The following C12orf42 variants were observed in gnomAD, a reference collection of about 807,000 sequenced individuals.
The protein encoded by C12orf42 is uncharacterized protein C12orf42.
Under a neutral mutation model 21.6 loss-of-function variants are expected in C12orf42, and 25 were observed. The ratio of observed to expected loss-of-function variants is 1.16; its 90% CI spans 0.84 to 1.62. The LOEUF (loss-of-function observed/expected upper bound fraction) is 1.62, where lower values mean the gene tolerates loss of function less well. Among genes scored for constraint, C12orf42 ranks in the 40% most tolerant of loss-of-function variants. The pLI, the probability that C12orf42 is intolerant of heterozygous loss-of-function variation, is 0.00. For synonymous variants in C12orf42, 174 were observed against 175.0 expected, an observed-to-expected ratio of 0.99 and a Z score of 0.05; for missense variants, 483 against 459.3, an observed-to-expected ratio of 1.05 and a Z score of -0.47.
chr12:103,106,576 G>A, the C12orf42 span, among the ~76,000 whole-genome samples: 2 of 151,734 alleles, frequency 1.3e-5, no homozygotes, highest in African/African-American at 4.8e-5. Context: ...TGGGGATATT[G>A]TTAAACTTTA....
the C12orf42 span, among the ~76,000 whole-genome samples, chr12:103,090,755 T>C: frequency 6.6e-6 from 1 of 152,166 alleles, no homozygotes; most frequent in Non-Finnish European, 1.5e-5. Flanking sequence ...ATTTACAAAT[T>C]CTGCCTTTAA....
At chr12:103,366,747 A>G (rs1375362845) in intron 4 of C12orf42, among the ~76,000 whole-genome samples, 1 of 152,126 alleles carries the variant, frequency 6.6e-6, no homozygotes, top group East Asian at 1.9e-4. Context: ...CCAAATCAAA[A>G]CCACAATGCG....
At chr12:103,139,195 C>A in the C12orf42 span, among the ~76,000 whole-genome samples, 1 of 152,206 alleles carries the variant, frequency 6.6e-6, no homozygotes, top group Non-Finnish European at 1.5e-5. Context: ...GTGTTCACTT[C>A]TCTAGCCCTC....
the C12orf42 span, among the ~76,000 whole-genome samples, chr12:103,218,163 CCAACTACT>C: frequency 6.6e-6 from 1 of 151,732 alleles, no homozygotes; most frequent in Non-Finnish European, 1.5e-5. Flanking sequence ...TCCTGTAATC[CCAACTACT>C]CAAGAGGCTG....
chr12:103,302,460 G>C lies in C12orf42; in HGVS notation c.731C>G (p.Pro244Arg). ...TGCTGGGACTGCCATCCTCTCCTCC[G>C]GCTCGAGCTCTGTGTTACTCGGGCC... ...STGPSNTELE[P>R]EERMAVPAGA... The change falls in exon 6 of 6, where the codon CCG (proline) becomes CGG (arginine). Residue 244 changes from proline to arginine, a missense_variant. Physicochemically the swap from Pro to Arg is moderately radical, Grantham distance 103. Transcript: ENST00000548883. 1 of 1,613,620 alleles carries C rather than the reference G, an allele frequency of 6.2e-7. No homozygotes were observed. Among genetic ancestry groups the C allele is most frequent in the Non-Finnish European group, 8.5e-7 (1 of 1,179,842 alleles).
At chr12:103,428,503 G>C (rs1372327221) in intron 2 of C12orf42, among the ~76,000 whole-genome samples, 3 of 152,152 alleles carry the variant, frequency 2.0e-5, no homozygotes, top group Admixed American at 6.5e-5. Flanking sequence ...GAAAAGTCCA[G>C]GACCAGAAGG....
the C12orf42 span, among the ~76,000 whole-genome samples, chr12:103,118,448 T>C: frequency 6.6e-6 from 1 of 152,154 alleles, no homozygotes; most frequent in Admixed American, 6.5e-5. Flanking sequence ...CCAAGATTCA[T>C]ATGGACCTTT....
At chr12:103,185,785 C>A in the C12orf42 span, among the ~76,000 whole-genome samples, 1 of 152,136 alleles carries the variant, frequency 6.6e-6, no homozygotes, top group South Asian at 2.1e-4. Flanking sequence ...CTCTTGCTGC[C>A]CCCATGTAAG....
chr12:103,344,864 G>C (rs1317991963), intron 4 of C12orf42, among the ~76,000 whole-genome samples: 1 of 152,218 alleles, frequency 6.6e-6, no homozygotes, highest in Non-Finnish European at 1.5e-5. Context: ...CAGTGTATCA[G>C]AAAGGACACT....
At chr12:103,186,435 C>T in the C12orf42 span, among the ~76,000 whole-genome samples, 1 of 152,068 alleles carries the variant, frequency 6.6e-6, no homozygotes, top group African/African-American at 2.4e-5. Flanking sequence ...GCCTTTCATC[C>T]ACGCACTTAA....
chr12:103,236,462 C>T (rs866829769), downstream of C12orf42, among the ~76,000 whole-genome samples: 11 of 152,160 alleles, frequency 7.2e-5, no homozygotes, highest in Admixed American at 3.9e-4. Context: ...CTTCTTTAAT[C>T]ATGGCTGAAA....
At chr12:103,438,903 A>C (rs910286233) in intron 2 of C12orf42, among the ~76,000 whole-genome samples, 31 of 151,900 alleles carry the variant, frequency 2.0e-4, no homozygotes, top group African/African-American at 6.8e-4. Flanking sequence ...ATTGGAAAAA[A>C]CTACTTTAAA....
At chr12:103,526,068 C>T in the C12orf42 span, among the ~76,000 whole-genome samples, 1 of 152,194 alleles carries the variant, frequency 6.6e-6, no homozygotes, top group African/African-American at 2.4e-5. Flanking sequence ...AGAGGCTGCT[C>T]TTTTAAGCAT....
chr12:103,160,872 G>C, the C12orf42 span, among the ~76,000 whole-genome samples: 2 of 152,192 alleles, frequency 1.3e-5, no homozygotes, highest in African/African-American at 4.8e-5. Flanking sequence ...TACTGGATTT[G>C]TGTGAGTGCC....
the C12orf42 span, among the ~76,000 whole-genome samples, chr12:103,124,545 G>A: frequency 1.3e-5 from 2 of 152,088 alleles, no homozygotes; most frequent in Non-Finnish European, 1.5e-5. Context: ...GAGTGGGAAC[G>A]AAGAAACTAA....
intron 4 of C12orf42, among the ~76,000 whole-genome samples, chr12:103,324,948 C>A (rs2040529648): frequency 6.6e-6 from 1 of 152,082 alleles, no homozygotes; most frequent in South Asian, 2.1e-4. Flanking sequence ...TGGTGAAACC[C>A]TGAAGGAGGT....
chr12:103,055,143 T>C, the C12orf42 span, among the ~76,000 whole-genome samples: 10 of 152,070 alleles, frequency 6.6e-5, no homozygotes, highest in East Asian at 1.3e-3. Flanking sequence ...ATAAAATTGA[T>C]GTTAATCCTT....
intron 2 of C12orf42, among the ~76,000 whole-genome samples, chr12:103,476,497 A>G (rs1435893958): frequency 6.6e-6 from 1 of 152,180 alleles, no homozygotes; most frequent in Non-Finnish European, 1.5e-5. Flanking sequence ...CCACTAAAGG[A>G]TTCTGATTGG....
At chr12:103,416,617 T>C (rs1237911548) in intron 2 of C12orf42, among the ~76,000 whole-genome samples, 1 of 118,356 alleles carries the variant, frequency 8.4e-6, no homozygotes, top group Non-Finnish European at 2.0e-5. Flanking sequence ...TATTACTATA[T>C]GCAAGACAGT....
Sources: gnomAD v4.1 joint callset for allele counts (sites outside exome capture counted in the v4.1 genomes callset) on GRCh38, gnomAD v4.1.1 for gene constraint, MANE v1.5 for transcripts, NCBI Gene and HGNC (gene_info 2026-07-23, HGNC 2026-07-21) for gene names.